Variants in ZNF438 observed in about 807,000 individuals in gnomAD.
The protein encoded by ZNF438 is zinc finger protein 438.
Under a neutral mutation model 38.0 loss-of-function variants are expected in ZNF438, and 25 were observed. That is an observed-to-expected ratio of 0.66 (90% CI 0.48 to 0.92). ZNF438 has a LOEUF of 0.92. Among genes scored for constraint, ZNF438 ranks in the 40% least tolerant of loss-of-function variants. The pLI is 0.00. For missense variants in ZNF438, 1,007 were observed against 999.6 expected (o/e 1.01, Z -0.10); for synonymous variants, 372 against 364.1 (o/e 1.02, Z -0.25).
intron 3 of ZNF438, among the ~76,000 whole-genome samples, chr10:30,883,196 A>G (rs1054540718): frequency 6.6e-6 from 1 of 152,184 alleles, no homozygotes; most frequent in Non-Finnish European, 1.5e-5. Context: ...TTGCCTCTAA[A>G]TTGGCAGAAA....
At chr10:30,876,710 T>G (rs1341687778) in intron 4 of ZNF438, among the ~76,000 whole-genome samples, 1 of 152,196 alleles carries the variant, frequency 6.6e-6, no homozygotes, top group East Asian at 1.9e-4. Context: ...TATCTGTTAG[T>G]GCCAGTTAAC....
At chr10:30,961,832 G>C (rs2049524418) in intron 1 of ZNF438, among the ~76,000 whole-genome samples, 1 of 143,108 alleles carries the variant, frequency 7.0e-6, no homozygotes, top group Non-Finnish European at 1.6e-5. Context: ...AGGTTGCAGT[G>C]GGCCGAGATT....
At chr10:31,019,229 C>G (rs2056420057) in intron 1 of ZNF438, among the ~76,000 whole-genome samples, 1 of 152,178 alleles carries the variant, frequency 6.6e-6, no homozygotes, top group African/African-American at 2.4e-5. Context: ...AGCATAAAAA[C>G]CAAAGTCCTC....
intron 3 of ZNF438, among the ~76,000 whole-genome samples, chr10:30,883,896 A>AG (rs957717990): frequency 1.3e-5 from 2 of 152,108 alleles, no homozygotes; most frequent in Non-Finnish European, 2.9e-5. Context: ...TTTTCACTCC[A>AG]AAAAAAAGTG....
chr10:30,922,880 C>T (rs2044477667), intron 2 of ZNF438, among the ~76,000 whole-genome samples: 2 of 151,248 alleles, frequency 1.3e-5, no homozygotes, highest in African/African-American at 4.9e-5. Context: ...AAAAATTGTA[C>T]ATTGCCAAGT....
chr10:30,868,225 C>T (rs1428366398), intron 4 of ZNF438, among the ~76,000 whole-genome samples: 1 of 151,840 alleles, frequency 6.6e-6, no homozygotes, highest in African/African-American at 2.4e-5. Flanking sequence ...GCCCGCCACC[C>T]CACCCAGCTA....
chr10:30,951,274 A>G (rs535245717), intron 1 of ZNF438, among the ~76,000 whole-genome samples: 1,829 of 150,794 alleles, frequency 0.012, 43 homozygotes, highest in African/African-American at 0.041. Flanking sequence ...TATCTATGAC[A>G]AACCCACAGC....
intron 3 of ZNF438, among the ~76,000 whole-genome samples, chr10:30,878,616 T>C (rs1282764412): frequency 6.6e-6 from 1 of 151,840 alleles, no homozygotes; most frequent in Admixed American, 6.6e-5. Context: ...GCTGGTGGAG[T>C]GTAGACACCC....
At position 30,940,620 on chromosome 10, in the gene ZNF438, C is replaced by T. The variant is rs77339330; in HGVS notation, c.-115+955G>A. Among the ~76,000 whole-genome samples, 12 of 152,244 alleles carry T rather than the reference C, an allele frequency of 7.9e-5. No homozygotes were observed. The East Asian group carries it at 1.7e-3, about 22-fold the overall frequency. On this transcript the variant is annotated intron_variant, in intron 2 of 5. Coordinates refer to ENST00000413025, the Ensembl canonical transcript of ZNF438. Reference sequence around the variant, plus strand: ...TGGGAGGCTTTGAATGCTAGGCAAACGAACATGGATTCCATCCAAGAGGGA... The same window carrying T: ...TGGGAGGCTTTGAATGCTAGGCAAATGAACATGGATTCCATCCAAGAGGGA...
intron 1 of ZNF438, among the ~76,000 whole-genome samples, chr10:31,010,892 G>GAAAAAAAAAAAAAAAAAAAAAAAAAAAAA (rs563189482): frequency 1.1e-5 from 1 of 92,594 alleles, no homozygotes; most frequent in Non-Finnish European, 1.9e-5. Flanking sequence ...GACCCTGTTT[G>GAAAAAAAAAAAAAAAAAAAAAAAAAAAAA]AAAAAAAAAA....
chr10:31,018,550 C>T (rs1564353734), intron 1 of ZNF438, among the ~76,000 whole-genome samples: 1 of 152,268 alleles, frequency 6.6e-6, no homozygotes, highest in East Asian at 1.9e-4. Flanking sequence ...TACTGTCTGT[C>T]GACCAACCAC....
intron 1 of ZNF438, among the ~76,000 whole-genome samples, chr10:31,002,041 C>T (rs935300067): frequency 2.6e-5 from 4 of 152,100 alleles, no homozygotes; most frequent in Non-Finnish European, 4.4e-5. Flanking sequence ...AAAGATGAGA[C>T]GTAAGAATTT....
rs368762998 is a variant in ZNF438, at chr10:30,959,710, T to C, written c.-191-18059A>G. 1.4e-4 allele frequency among the ~76,000 whole-genome samples: 20 copies of C among 146,398 alleles called. 1 individual carries two copies. The East Asian group carries it at 2.7e-3, about 20-fold the overall frequency. On this transcript the variant is annotated intron_variant, in intron 1 of 5. Transcript: ENST00000413025. ...TTGTAATGAGCCGAGATCGCACCAC[T>C]GCACTCCAGCCTGGGTGACAGAGCC...
intron 1 of ZNF438, among the ~76,000 whole-genome samples, chr10:30,943,859 AAAAC>A (rs10522911): frequency 0.59 from 89,376 of 150,580 alleles, 26,623 homozygotes; most frequent in Middle Eastern, 0.64. Flanking sequence ...TTGAGATGGT[AAAAC>A]AAACAAACAA....
intron 2 of ZNF438, among the ~76,000 whole-genome samples, chr10:30,931,807 T>C (rs1441593793): frequency 6.6e-6 from 1 of 152,226 alleles, no homozygotes; most frequent in East Asian, 1.9e-4. Context: ...AATTATTTTA[T>C]GTAAAGTCTA....
chr10:31,025,215 A>T (rs1276718012), intron 1 of ZNF438, among the ~76,000 whole-genome samples: 1 of 152,254 alleles, frequency 6.6e-6, no homozygotes, highest in Non-Finnish European at 1.5e-5. Context: ...GTGAAGGAAG[A>T]AAAGATATTA....
At chr10:30,877,008 T>C in exon 4 of ZNF438, 1 of 1,606,342 alleles carries the variant, frequency 6.2e-7, no homozygotes, top group Non-Finnish European at 8.5e-7. Flanking sequence ...CTTCATCTTT[T>C]GGTGGTACTG....
At chr10:30,977,293 C>T (rs1262135837) in intron 1 of ZNF438, among the ~76,000 whole-genome samples, 2 of 152,096 alleles carry the variant, frequency 1.3e-5, no homozygotes, top group African/African-American at 2.4e-5. Context: ...TTTATATTAG[C>T]GTATAAACTT....
chr10:30,946,402 C>A (rs1021241829), intron 1 of ZNF438, among the ~76,000 whole-genome samples: 1 of 152,108 alleles, frequency 6.6e-6, no homozygotes, highest in Non-Finnish European at 1.5e-5. Context: ...TCAGAGTGAA[C>A]AGGCAACCTA....
Sources: allele counts gnomAD v4.1 joint callset (sites outside exome capture counted in the v4.1 genomes callset), GRCh38; gene constraint gnomAD v4.1.1; transcripts MANE v1.5; gene names NCBI Gene and HGNC (gene_info 2026-07-23, HGNC 2026-07-21).